SBF2: variants seen among roughly 807,000 people sequenced by gnomAD.
The protein encoded by SBF2 is myotubularin-related protein 13.
Under a neutral mutation model 225.2 loss-of-function variants are expected in SBF2, and 112 were observed. The ratio of observed to expected loss-of-function variants is 0.50; its 90% confidence interval spans 0.43 to 0.58. The LOEUF (loss-of-function observed/expected upper bound fraction) is 0.58. Among genes scored for constraint, SBF2 ranks in the 20% least tolerant of loss-of-function variants. SBF2 has a pLI of 0.00. For synonymous variants in SBF2, 763 were observed against 773.3 expected, an observed-to-expected ratio of 0.99 and a Z score of 0.22; for missense variants, 1,996 against 2,206.2, an observed-to-expected ratio of 0.90 and a Z score of 1.91.
intron 2 of SBF2, among the ~76,000 whole-genome samples, chr11:10,105,399 A>G (rs1273948113): frequency 1.3e-5 from 2 of 152,216 alleles, no homozygotes; most frequent in Non-Finnish European, 2.9e-5. Flanking sequence ...GATGATAGAA[A>G]GAAACATACA....
chr11:10,034,601 T>C (rs1949369298), intron 3 of SBF2, among the ~76,000 whole-genome samples: 1 of 152,256 alleles, frequency 6.6e-6, no homozygotes, highest in Admixed American at 6.5e-5. Flanking sequence ...CTGTGCTATG[T>C]TCATTTTTAA....
chr11:9,839,821 A>G (rs1855988871), intron 25 of SBF2, 125 bp from the exon 26 acceptor site: 1 of 1,122,460 alleles, frequency 8.9e-7, no homozygotes, highest in East Asian at 2.4e-5. Context: ...TATCAAAGAA[A>G]TGATTAGCTC....
chr11:10,093,903 G>A (rs1343783634), intron 2 of SBF2, among the ~76,000 whole-genome samples: 1 of 152,054 alleles, frequency 6.6e-6, no homozygotes, highest in African/African-American at 2.4e-5. Flanking sequence ...ACACAATAAA[G>A]TTTAGACAAT....
chr11:10,287,223 G>A (rs563501806), intron 1 of SBF2, among the ~76,000 whole-genome samples: 1 of 152,328 alleles, frequency 6.6e-6, no homozygotes, highest in South Asian at 2.1e-4. Context: ...AAAGGGAACT[G>A]ACTACAAAGA....
chr11:10,214,721 C>T (rs1456997755), intron 1 of SBF2, among the ~76,000 whole-genome samples: 1 of 152,188 alleles, frequency 6.6e-6, no homozygotes, highest in Non-Finnish European at 1.5e-5. Context: ...TTGCCTTCAA[C>T]AGGTACTTCA....
chr11:10,272,675 G>T (rs1962593758), intron 1 of SBF2, among the ~76,000 whole-genome samples: 1 of 152,048 alleles, frequency 6.6e-6, no homozygotes, highest in Non-Finnish European at 1.5e-5. Flanking sequence ...GGAAGGCTGA[G>T]ATTGGCTTGA....
chr11:10,055,967 C>A (rs1410756847), intron 2 of SBF2, among the ~76,000 whole-genome samples: 1 of 151,708 alleles, frequency 6.6e-6, no homozygotes, highest in Non-Finnish European at 1.5e-5. Context: ...ATAAAAATTT[C>A]AAGAAGAAAA....
At chr11:9,804,136 A>G (rs944432008) in intron 32 of SBF2, among the ~76,000 whole-genome samples, 37 of 152,160 alleles carry the variant, frequency 2.4e-4, no homozygotes, top group African/African-American at 8.2e-4. Context: ...TTTTCTGAAA[A>G]ACAAACAAAC....
intron 13 of SBF2, among the ~76,000 whole-genome samples, chr11:9,980,638 G>A (rs1181751646): frequency 3.3e-5 from 5 of 151,414 alleles, no homozygotes; most frequent in East Asian, 3.9e-4. Flanking sequence ...CCAGGCTGGA[G>A]TGCAGTGGCG....
intron 17 of SBF2, among the ~76,000 whole-genome samples, chr11:9,863,930 G>A (rs985576682): frequency 6.6e-6 from 1 of 151,856 alleles, no homozygotes; most frequent in Non-Finnish European, 1.5e-5. Flanking sequence ...TATATTGCAG[G>A]TTTTATTCTA....
At chr11:10,209,963 C>G (rs1270027970) in intron 1 of SBF2, among the ~76,000 whole-genome samples, 1 of 152,112 alleles carries the variant, frequency 6.6e-6, no homozygotes, top group Non-Finnish European at 1.5e-5. Context: ...TTTAATATGT[C>G]TGCTAGAGCT....
chr11:9,843,463 A>G (rs935775633), intron 24 of SBF2, among the ~76,000 whole-genome samples: 6 of 152,222 alleles, frequency 3.9e-5, no homozygotes, highest in Non-Finnish European at 8.8e-5. Flanking sequence ...ATTTATTCAA[A>G]CAATTTAACC....
chr11:9,845,871 C>T, intron 23 of SBF2, 131 bp from the exon 24 acceptor site: 1 of 790,608 alleles, frequency 1.3e-6, no homozygotes, highest in Admixed American at 2.5e-5. Context: ...ACATGCAATA[C>T]AATTTTTAAA....
chr11:10,074,686 G>A (rs1043563422), intron 2 of SBF2, among the ~76,000 whole-genome samples: 1 of 152,140 alleles, frequency 6.6e-6, no homozygotes. Flanking sequence ...TTATAGACTA[G>A]GGAGAACAGA....
intron 16 of SBF2, chr11:9,959,526 C>A: frequency 1.3e-6 from 1 of 795,802 alleles, no homozygotes; most frequent in Non-Finnish European, 2.3e-6. Context: ...AGAACACCAG[C>A]TTGTGGAGGT....
intron 16 of SBF2, among the ~76,000 whole-genome samples, chr11:9,918,257 G>T (rs1395218040): frequency 1.3e-5 from 2 of 152,070 alleles, no homozygotes; most frequent in South Asian, 4.1e-4. Flanking sequence ...GCCTTTGGGG[G>T]AGCTCTGTAG....
intron 29 of SBF2, among the ~76,000 whole-genome samples, chr11:9,815,281 T>TAAAA (rs35464212): frequency 1.9e-4 from 8 of 42,804 alleles, no homozygotes; most frequent in African/African-American, 5.3e-4. Context: ...CTACTAAAAC[T>TAAAA]AAAAAAAAAA....
At chr11:9,994,774 C>A (rs145443518) in intron 9 of SBF2, among the ~76,000 whole-genome samples, 1 of 151,950 alleles carries the variant, frequency 6.6e-6, no homozygotes, top group African/African-American at 2.4e-5. Context: ...CAGTGGCTCA[C>A]GCCTGTAATC....
chr11:10,078,239 G>C (rs1951205268), intron 2 of SBF2, among the ~76,000 whole-genome samples: 1 of 152,180 alleles, frequency 6.6e-6, no homozygotes, highest in Non-Finnish European at 1.5e-5. Flanking sequence ...CAAGGATCTA[G>C]AGCTAGTAAT....
Sources: allele counts gnomAD v4.1 joint callset (sites outside exome capture counted in the v4.1 genomes callset), GRCh38; gene constraint gnomAD v4.1.1; transcripts MANE v1.5; gene names NCBI Gene and HGNC (gene_info 2026-07-23, HGNC 2026-07-21).